Variants in TRIT1 observed in about 807,000 individuals in gnomAD.
The protein encoded by TRIT1 is tRNA isopentenyltransferase 1, also known as tRNA dimethylallyltransferase.
TRIT1 carries 43 observed loss-of-function variants against 51.2 expected under a neutral mutation model. The ratio of observed to expected loss-of-function variants is 0.84; its 90% CI spans 0.66 to 1.08. TRIT1 has a LOEUF of 1.08. Ranked by LOEUF, TRIT1 falls within the 50% of genes least tolerant of loss-of-function variation. The probability of loss-of-function intolerance (pLI) is 0.00; values close to 1 mark genes in which losing one functional copy is unlikely to be tolerated. For missense variants in TRIT1, 528 were observed against 578.4 expected (o/e 0.91, Z 0.89); for synonymous variants, 184 against 203.9 (o/e 0.90, Z 0.83).
At position 39,850,252 on chromosome 1, in the gene TRIT1, T is replaced by G; in HGVS notation, c.570A>C (p.Gln190His). The change falls in exon 5 of 11, where the codon CAA (glutamine) becomes CAC (histidine). Residue 190 changes from glutamine to histidine, a missense_variant. Coordinates refer to ENST00000316891, the MANE Select transcript of TRIT1 (RefSeq NM_017646.6). ...HDKRKVARSL[Q>H]VFEETGISHS... ...GAGAGATTCCTGTTTCTTCAAAAAC[T>G]TGCAAGCTCCTAAGTAATTTAAAAG... is the stretch of plus-strand genomic sequence containing the variant. 6.2e-7 allele frequency: 1 copy of G among 1,614,138 alleles called. No individual in the cohort carries two copies. The highest frequency in any genetic ancestry group is 8.5e-7 in the Non-Finnish European group (1 of 1,180,010).
rs576614665 is a variant in TRIT1 at position 39,852,825 on chromosome 1, T to C, written c.466A>G (p.Lys156Glu). Residue 156 changes from lysine (K) to glutamate (E), a missense_variant, in exon 4 of 11, where the codon AAG becomes GAG. By Grantham distance (56) the Lys-to-Glu change is moderately conservative (BLOSUM62 1). Transcript: ENST00000316891. ...KVIDRKVELE[K>E]EDGLVLHKRL... ...TTGTGAAGTACAAGACCATCCTCCT[T>C]TTCAAGCTCCACTTTTCGGTCAATC... The C allele has an allele frequency of 1.2e-4, 187 of 1,614,206 alleles. 2 individuals are homozygous for C. The South Asian group carries it at 1.9e-3, about 16-fold the overall frequency.
At chr1:39,844,442 G>T (rs1260262390) in intron 9 of TRIT1, 89 bp downstream of exon 9, 28 of 1,075,850 alleles carry the variant, frequency 2.6e-5, no homozygotes, top group Admixed American at 1.3e-4. Context: ...GGAAAAGAAG[G>T]CCTGGTTCTT....
At chr1:39,841,975 T>A (rs1641935456) in intron 10 of TRIT1, 62 bp from the exon 11 acceptor site, 41 of 1,532,792 alleles carry the variant, frequency 2.7e-5, no homozygotes, top group Non-Finnish European at 3.5e-5. Flanking sequence ...CTAGAATTAA[T>A]CCTAGAAGCA....
chr1:39,842,028 C>G, intron 10 of TRIT1, 115 bp from the exon 11 acceptor site: 1 of 1,164,942 alleles, frequency 8.6e-7, no homozygotes, highest in Non-Finnish European at 1.2e-6. Context: ...CAATAAACAG[C>G]AAGATCAACA....
At chr1:39,866,089 GAAGA>G (rs1557567616) in intron 1 of TRIT1, among the ~76,000 whole-genome samples, 3 of 75,260 alleles carry the variant, frequency 4.0e-5, no homozygotes, top group Admixed American at 1.4e-4. Context: ...GGGAAGGAAA[GAAGA>G]AAGGAAGGAA....
At chr1:39,860,752 CTTTAT>C (rs1369869312) in intron 1 of TRIT1, among the ~76,000 whole-genome samples, 1 of 152,156 alleles carries the variant, frequency 6.6e-6, no homozygotes, top group Admixed American at 6.5e-5. Context: ...GCCCTTCTTT[CTTTAT>C]ATGTTGGGAA....
chr1:39,855,792 T>C (rs2124617541), intron 2 of TRIT1, among the ~76,000 whole-genome samples: 1 of 152,300 alleles, frequency 6.6e-6, no homozygotes, highest in Non-Finnish European at 1.5e-5. Flanking sequence ...GTTTAACTTA[T>C]TTGTGCAAGC....
Position 39,852,846 on chromosome 1 carries a change from C to G in TRIT1, c.445G>C (p.Asp149His). The G allele has an allele frequency of 6.2e-7, 1 of 1,614,176 alleles. No individual in the cohort carries two copies. Among genetic ancestry groups the G allele is most frequent in the Non-Finnish European group, 8.5e-7 (1 of 1,180,032 alleles). The change falls in exon 4 of 11, where the codon GAC becomes CAC. Residue 149 changes from aspartate (D) to histidine (H), a missense_variant. Asp to His is a moderately conservative substitution (Grantham distance 81). This residue lies in a region of TRIT1 where 468 missense variants were observed against 522.6 expected (regional missense o/e 0.90). Transcript: ENST00000316891. ...TCCTTTTCAAGCTCCACTTTTCGGTCAATCACTTTCTCAGTGCCCATCTCC... is the reference window on the plus strand; with the variant it reads ...TCCTTTTCAAGCTCCACTTTTCGGTGAATCACTTTCTCAGTGCCCATCTCC... The part of the protein sequence containing the change: ...PQEMGTEKVI[D>H]RKVELEKEDG...
intron 1 of TRIT1, among the ~76,000 whole-genome samples, chr1:39,876,528 G>GTATCTATCTATC (rs1553147778): frequency 2.0e-4 from 26 of 127,662 alleles, no homozygotes; most frequent in African/African-American, 8.3e-4. Context: ...ATTTATATGT[G>GTATCTATCTATC]TATCTATCTA....
chr1:39,849,419 G>A (rs2124594996), intron 5 of TRIT1, among the ~76,000 whole-genome samples: 1 of 152,186 alleles, frequency 6.6e-6, no homozygotes, highest in East Asian at 1.9e-4. Context: ...GCCTATCATA[G>A]GCTACCTTTG....
intron 1 of TRIT1, among the ~76,000 whole-genome samples, chr1:39,864,595 C>T (rs1214103690): frequency 1.0e-5 from 1 of 95,510 alleles, no homozygotes; most frequent in African/African-American, 5.2e-5. Flanking sequence ...GAGACTCTGT[C>T]TCAAAAAAAA....
chr1:39,844,901 T>G (rs987230924), intron 8 of TRIT1, among the ~76,000 whole-genome samples: 3 of 152,218 alleles, frequency 2.0e-5, no homozygotes, highest in South Asian at 2.1e-4. Context: ...AGAATAGAGT[T>G]AACAGCTCAA....
At chr1:39,864,880 A>G (rs1263091125) in intron 1 of TRIT1, among the ~76,000 whole-genome samples, 1 of 152,130 alleles carries the variant, frequency 6.6e-6, no homozygotes, top group African/African-American at 2.4e-5. Context: ...GCAAAAGGAA[A>G]AGCTGCCCCC....
chr1:39,861,056 G>A (rs1241135341), intron 1 of TRIT1, among the ~76,000 whole-genome samples: 5 of 152,122 alleles, frequency 3.3e-5, no homozygotes, highest in East Asian at 1.9e-4. Context: ...TAGCCTGGGC[G>A]ACGGAGCAAG....
intron 1 of TRIT1, among the ~76,000 whole-genome samples, chr1:39,865,430 A>C (rs561708193): frequency 6.2e-4 from 94 of 152,352 alleles, no homozygotes; most frequent in Non-Finnish European, 4.7e-4. Flanking sequence ...GATAACTCCC[A>C]AAATCCATAT....
chr1:39,869,389 T>A (rs1643743653), intron 1 of TRIT1, among the ~76,000 whole-genome samples: 1 of 152,134 alleles, frequency 6.6e-6, no homozygotes, highest in Non-Finnish European at 1.5e-5. Context: ...GCAGACGGAG[T>A]CTTGCTCACT....
chr1:39,853,085 AAC>A (rs1642681028), intron 3 of TRIT1, among the ~76,000 whole-genome samples: 1 of 152,148 alleles, frequency 6.6e-6, no homozygotes, highest in Admixed American at 6.5e-5. Flanking sequence ...AGCATAGGGA[AAC>A]ACCTGGCTAT....
At chr1:39,848,565 C>T (rs113537948) in intron 5 of TRIT1, among the ~76,000 whole-genome samples, 31 of 151,050 alleles carry the variant, frequency 2.1e-4, no homozygotes, top group African/African-American at 6.8e-4. Flanking sequence ...GTGGCTCACG[C>T]CTGTAATCCC....
chr1:39,876,701 C>A (rs150108518), intron 1 of TRIT1, among the ~76,000 whole-genome samples: 1 of 151,708 alleles, frequency 6.6e-6, no homozygotes, highest in Admixed American at 6.6e-5. Context: ...CCGAGGCTGG[C>A]GGATCACCTG....
Sources: allele counts gnomAD v4.1 joint callset (sites outside exome capture counted in the v4.1 genomes callset), GRCh38; gene constraint gnomAD v4.1.1; regional missense constraint gnomAD v4.1.1; transcripts MANE v1.5; gene names NCBI Gene and HGNC (gene_info 2026-07-23, HGNC 2026-07-21).